The following IL2RB variants were observed in gnomAD, a reference collection of about 807,000 sequenced individuals.
IL2RB encodes the protein interleukin 2 receptor subunit beta, also known as interleukin-2 receptor subunit beta.
IL2RB carries 17 observed loss-of-function variants against 44.2 expected under a neutral mutation model. That is an observed-to-expected ratio of 0.38 (90% confidence interval 0.26 to 0.58). IL2RB has a LOEUF of 0.58. IL2RB is among the 20% of genes least tolerant of loss of function. The probability of loss-of-function intolerance (pLI) is 0.63; values close to 1 mark genes in which losing one functional copy is unlikely to be tolerated. For synonymous variants in IL2RB, 286 were observed against 297.9 expected, an observed-to-expected ratio of 0.96 and a Z score of 0.41; for missense variants, 624 against 685.5, an observed-to-expected ratio of 0.91 and a Z score of 1.00.
intron 1 of IL2RB, among the ~76,000 whole-genome samples, chr22:37,155,475 C>T (rs1324158330): frequency 6.6e-6 from 1 of 152,246 alleles, no homozygotes; most frequent in Non-Finnish European, 1.5e-5. Flanking sequence ...CCATCTTCAT[C>T]TCTGACCCTG....
At chr22:37,160,004 A>G (rs1922805349) in intron 1 of IL2RB, among the ~76,000 whole-genome samples, 1 of 152,266 alleles carries the variant, frequency 6.6e-6, no homozygotes, top group Non-Finnish European at 1.5e-5. Flanking sequence ...TTGTGGGCAC[A>G]TTGCGAGGGC....
intron 1 of IL2RB, among the ~76,000 whole-genome samples, chr22:37,158,067 T>C (rs538320305): frequency 6.6e-6 from 1 of 152,202 alleles, no homozygotes; most frequent in South Asian, 2.1e-4. Flanking sequence ...TACCAACATC[T>C]CTGACACATG....
intron 1 of IL2RB, among the ~76,000 whole-genome samples, chr22:37,147,774 G>A (rs1158602043): frequency 6.6e-6 from 1 of 152,240 alleles, no homozygotes; most frequent in Non-Finnish European, 1.5e-5. Context: ...CCTTTGCCTG[G>A]CCTACCGTCT....
chr22:37,128,820 G>A lies in IL2RB; in HGVS notation c.932C>T (p.Ser311Leu), dbSNP rs376447587. The change falls in exon 10 of 10, where the codon TCG (serine) becomes TTG (leucine). Residue 311 changes from serine (S) to leucine (L), a missense_variant. Around this residue, in one of 3 missense-constraint regions of IL2RB, gnomAD observed 255 missense variants for 339.9 expected, o/e 0.75. Transcript: ENST00000216223. The surrounding 1 kb of genome is among the most constrained non-coding windows in gnomAD (Gnocchi z 4.5). ...TGCCAGGCCGCCAGGGCTGAAGGAC[G>A]ATGAGGGGAAGGGCGAAGAGAGCCA... ...QKWLSSPFPS[S>L]SFSPGGLAPE... The A allele has an allele frequency of 6.2e-6, 10 of 1,610,544 alleles. No homozygotes were observed. The highest frequency in any genetic ancestry group is 1.3e-5 in the African/African-American group (1 of 74,992).
chr22:37,130,328 C>T (rs1432147395), intron 9 of IL2RB, among the ~76,000 whole-genome samples: 3 of 152,238 alleles, frequency 2.0e-5, no homozygotes, highest in African/African-American at 2.4e-5. Flanking sequence ...GACCCACTGC[C>T]TGTGGCCAGC....
chr22:37,127,280 G>A lies in IL2RB; in HGVS notation c.*816C>T, dbSNP rs228940. On this transcript the variant is annotated 3_prime_UTR_variant, in exon 10 of 10. Transcript: ENST00000216223. The stretch of plus-strand genomic sequence containing the variant: ...AGGCCTCAGAGATCCCAAAGGAATA[G>A]TAACAGGGCCTCTTTCTCCAGGCGC... 3,186 of 152,330 alleles carry A rather than the reference G, an allele frequency of 0.021. 112 individuals are homozygous for A. The highest frequency in any genetic ancestry group is 0.072 in the African/African-American group (2,994 of 41,544). The allele number at this position is 152,330 out of a possible 1,614,324, so 9.4% of individuals were successfully genotyped here. A position where few individuals can be genotyped will look rare whatever the true frequency, so the allele number is the denominator to read the frequency against.
chr22:37,168,112 G>A (rs572739982), intron 1 of IL2RB, among the ~76,000 whole-genome samples: 2 of 152,362 alleles, frequency 1.3e-5, no homozygotes, highest in South Asian at 4.1e-4. Flanking sequence ...TAAGGAAATC[G>A]TGTCAATGTG....
chr22:37,156,114 A>C (rs1280783221), intron 1 of IL2RB, among the ~76,000 whole-genome samples: 1 of 150,044 alleles, frequency 6.7e-6, no homozygotes, highest in African/African-American at 2.5e-5. Context: ...CTCCCTCTCC[A>C]CTCCGCCTCC....
At chr22:37,163,385 T>A (rs1349178698) in intron 1 of IL2RB, among the ~76,000 whole-genome samples, 1 of 152,074 alleles carries the variant, frequency 6.6e-6, no homozygotes, top group African/African-American at 2.4e-5. Flanking sequence ...GGTACTTTGA[T>A]TGAGAGTTCA....
intron 1 of IL2RB, among the ~76,000 whole-genome samples, chr22:37,169,375 A>G (rs185555498): frequency 0.031 from 4,689 of 151,866 alleles, 255 homozygotes; most frequent in African/African-American, 0.11. Flanking sequence ...TTCTGTTTAC[A>G]GAGGGATTCT....
At chr22:37,143,691 G>T in intron 2 of IL2RB, 56 bp from the exon 3 acceptor site, 2 of 1,259,768 alleles carry the variant, frequency 1.6e-6, no homozygotes, top group Non-Finnish European at 2.3e-6. Context: ...GCCCCCCCAA[G>T]ACACGCCCAC....
In IL2RB at chr22:37,128,427, C is replaced by T; in HGVS notation, c.1325G>A (p.Ser442Asn). 1 of 1,531,114 alleles carries T rather than the reference C, an allele frequency of 6.5e-7. No individual in the cohort carries two copies. Among genetic ancestry groups the T allele is most frequent in the Non-Finnish European group, 8.8e-7 (1 of 1,137,022 alleles). 94.8% of individuals were successfully genotyped at this position (1,531,114 alleles called of 1,614,324 possible). A position where few individuals can be genotyped will look rare whatever the true frequency, so the allele number is the denominator to read the frequency against. ...GGCCCCACTGCCCCCAGGGGCAGTG[C>T]TTGGGGGGCTGGGGCCACCGAGGAG... Reference protein sequence around the residue: ...PSLLGGPSPPSTAPGGSGAGE... With the variant: ...PSLLGGPSPPNTAPGGSGAGE... Residue 442 changes from serine (S) to asparagine (N), a missense_variant, in exon 10 of 10, where the codon AGC (serine) becomes AAC (asparagine). Coordinates refer to ENST00000216223, the MANE Select transcript of IL2RB (RefSeq NM_000878.5). The surrounding 1 kb of genome is among the most constrained non-coding windows in gnomAD (Gnocchi z 4.5).
rs138376600 is a variant in IL2RB at position 37,132,825 on chromosome 22, C to T, written c.819-357G>A. Among the ~76,000 whole-genome samples the T allele has an allele frequency of 7.4e-4, 113 of 152,156 alleles. 1 individual carries two copies. Among genetic ancestry groups the T allele is most frequent in the Non-Finnish European group, 1.4e-3 (95 of 68,004 alleles). On this transcript the variant is annotated intron_variant, in intron 8 of 9. Coordinates refer to ENST00000216223, the MANE Select transcript of IL2RB (RefSeq NM_000878.5). ...ACACACAAGCCAGAGTGGTCAGGGA[C>T]GGAGATGGCTAGAAGAAGTGGAATG...
chr22:37,174,381 T>C (rs1247429330), intron 1 of IL2RB, among the ~76,000 whole-genome samples: 1 of 152,148 alleles, frequency 6.6e-6, no homozygotes, highest in Non-Finnish European at 1.5e-5. Flanking sequence ...TTTTCAGGAA[T>C]TGGGCCAGCT....
intron 1 of IL2RB, among the ~76,000 whole-genome samples, chr22:37,155,142 G>A (rs937222004): frequency 4.2e-4 from 64 of 152,178 alleles, no homozygotes; most frequent in Non-Finnish European, 7.8e-4. Flanking sequence ...CAGTACGCCA[G>A]CAGAAGCCCA....
At chr22:37,133,335 T>C (rs969288001) in intron 8 of IL2RB, among the ~76,000 whole-genome samples, 1 of 152,082 alleles carries the variant, frequency 6.6e-6, no homozygotes, top group Non-Finnish European at 1.5e-5. Flanking sequence ...GCTTGTCTTC[T>C]TGGGAGGAAA....
At chr22:37,138,710 G>A (rs1323613684) in intron 5 of IL2RB, among the ~76,000 whole-genome samples, 2 of 152,222 alleles carry the variant, frequency 1.3e-5, no homozygotes, top group African/African-American at 4.8e-5. Flanking sequence ...AGGGCTAGGG[G>A]AGTCTAGGAA....
chr22:37,153,642 T>C (rs955698648), upstream of IL2RB, among the ~76,000 whole-genome samples: 2 of 152,186 alleles, frequency 1.3e-5, no homozygotes, highest in Non-Finnish European at 2.9e-5. Context: ...ACAGCCAACA[T>C]TTATTAAGCC....
Position 37,135,402 on chromosome 22 carries a change from G to C in IL2RB, c.744C>G (p.Leu248=), listed in dbSNP as rs1048170080. The C allele has an allele frequency of 2.1e-5, 34 of 1,613,694 alleles. No individual in the cohort carries two copies. Among genetic ancestry groups the C allele is most frequent in the Non-Finnish European group, 2.9e-5 (34 of 1,179,782 alleles). The change falls in exon 8 of 10, where the codon CTC becomes CTG. Residue 248 remains leucine, a synonymous_variant. Coordinates refer to ENST00000216223, the MANE Select transcript of IL2RB (RefSeq NM_000878.5). ...KDTIPWLGHL[L]VGLSGAFGFI... is the part of the protein sequence containing the mutation. ...AGCCAAAAGCCCCGCTGAGGCCCACGAGGAGGTGGCCGAGCCACGGAATGG... is the reference window on the plus strand; with the variant it reads ...AGCCAAAAGCCCCGCTGAGGCCCACCAGGAGGTGGCCGAGCCACGGAATGG...
Sources: gnomAD v4.1 joint callset for allele counts (sites outside exome capture counted in the v4.1 genomes callset) on GRCh38, gnomAD v4.1.1 for gene constraint, gnomAD v4.1.1 regional missense constraint, Gnocchi (gnomAD v3.1) non-coding constraint, MANE v1.5 for transcripts, NCBI Gene and HGNC (gene_info 2026-07-23, HGNC 2026-07-21) for gene names.